B4GALNT3: variants seen among roughly 807,000 people sequenced by gnomAD.
B4GALNT3 encodes the protein beta-1,4-N-acetyl-galactosaminyltransferase 3, also known as beta-1,4-N-acetylgalactosaminyltransferase 3.
B4GALNT3 carries 86 observed loss-of-function variants against 120.2 expected under a neutral mutation model. The observed-to-expected ratio is 0.72, with a 90% CI of 0.60 to 0.86. The LOEUF (loss-of-function observed/expected upper bound fraction) is 0.86. B4GALNT3 is among the 40% of genes least tolerant of loss of function. The probability of loss-of-function intolerance (pLI) is 0.00; values close to 1 mark genes in which losing one functional copy is unlikely to be tolerated. For missense variants in B4GALNT3, 1,167 were observed against 1,298.9 expected, an observed-to-expected ratio of 0.90 and a Z score of 1.56; for synonymous variants, 518 against 510.4, an observed-to-expected ratio of 1.01 and a Z score of -0.20.
At chr12:487,583 C>T (rs1190872611) in intron 1 of B4GALNT3, among the ~76,000 whole-genome samples, 1 of 151,914 alleles carries the variant, frequency 6.6e-6, no homozygotes, top group Non-Finnish European at 1.5e-5. Flanking sequence ...TGTAGTGGCG[C>T]ATGCCTGTAG....
intron 1 of B4GALNT3, among the ~76,000 whole-genome samples, chr12:463,155 G>A (rs1410621864): frequency 6.6e-6 from 1 of 152,196 alleles, no homozygotes; most frequent in Non-Finnish European, 1.5e-5. Context: ...TCATCTGGAA[G>A]GCCAGCCCCC....
chr12:491,678 T>C (rs1946340889), intron 1 of B4GALNT3, among the ~76,000 whole-genome samples: 3 of 152,088 alleles, frequency 2.0e-5, no homozygotes, highest in Non-Finnish European at 4.4e-5. Flanking sequence ...GGGAACTTCC[T>C]CAACTTGATA....
At chr12:485,059 G>GCA (rs1488266914) in intron 1 of B4GALNT3, among the ~76,000 whole-genome samples, 1 of 152,146 alleles carries the variant, frequency 6.6e-6, no homozygotes, top group African/African-American at 2.4e-5. Context: ...GTTCTCCCCA[G>GCA]CACCCAGAAG....
At position 546,689 on chromosome 12, in the gene B4GALNT3, G is replaced by C; in HGVS notation, c.683G>C (p.Arg228Pro). The change falls in exon 7 of 20, where the codon CGG becomes CCG. Residue 228 changes from arginine (R) to proline (P), a missense_variant. Physicochemically the swap from Arg to Pro is moderately radical, Grantham distance 103. Transcript: ENST00000266383. The stretch of plus-strand genomic sequence containing the variant: ...GCCCCGGGAGAGTTTGGGAAATTTC[G>C]GAGCCAAATTTCCAAGCCGGTGAGG... ...WTAPGEFGKF[R>P]SQISKPVSLS... 5 of 1,551,472 alleles carry C rather than the reference G, an allele frequency of 3.2e-6. No individual in the cohort carries two copies. The highest frequency in any genetic ancestry group is 4.4e-6 in the Non-Finnish European group (5 of 1,146,890).
At chr12:542,114 T>A (rs1444421853) in intron 3 of B4GALNT3, among the ~76,000 whole-genome samples, 3 of 152,142 alleles carry the variant, frequency 2.0e-5, no homozygotes, top group Non-Finnish European at 2.9e-5. Context: ...TCCCATCCGT[T>A]CCAGTCTCCC....
chr12:524,835 G>A (rs1268691692), intron 1 of B4GALNT3, among the ~76,000 whole-genome samples: 4 of 152,164 alleles, frequency 2.6e-5, no homozygotes, highest in Non-Finnish European at 5.9e-5. Context: ...TTTATGTCAA[G>A]TGCTTAGCGT....
At chr12:518,745 A>T (rs866886429) in intron 1 of B4GALNT3, among the ~76,000 whole-genome samples, 14 of 152,206 alleles carry the variant, frequency 9.2e-5, no homozygotes, top group Middle Eastern at 3.2e-3. Flanking sequence ...CTAATACTTA[A>T]TACAATGCAA....
chr12:485,277 GA>G (rs1211273109), intron 1 of B4GALNT3, among the ~76,000 whole-genome samples: 1 of 152,200 alleles, frequency 6.6e-6, no homozygotes, highest in African/African-American at 2.4e-5. Context: ...GCACTGAGAA[GA>G]AAGATGTACT....
chr12:522,212 A>T (rs1946717510), intron 1 of B4GALNT3, among the ~76,000 whole-genome samples: 1 of 152,116 alleles, frequency 6.6e-6, no homozygotes, highest in African/African-American at 2.4e-5. Flanking sequence ...ATATTTGCAC[A>T]CTCTTGTTCA....
intron 1 of B4GALNT3, among the ~76,000 whole-genome samples, chr12:494,282 A>G (rs1320270127): frequency 2.6e-5 from 3 of 116,558 alleles, no homozygotes; most frequent in Admixed American, 9.5e-5. Context: ...ACCTTGTATA[A>G]TACCTTGAAA....
intron 1 of B4GALNT3, among the ~76,000 whole-genome samples, chr12:494,293 G>A (rs866152600): frequency 1.1e-3 from 159 of 139,614 alleles, no homozygotes; most frequent in East Asian, 1.7e-3. Flanking sequence ...TACCTTGAAA[G>A]AAAAAAAAAA....
At position 557,757 on chromosome 12, in the gene B4GALNT3, C is replaced by T. The variant is rs151134407; in HGVS notation, c.2530C>T (p.Arg844Trp). 660 of 1,600,384 alleles carry T rather than the reference C, an allele frequency of 4.1e-4. 6 individuals carry two copies. In the East Asian group the frequency reaches 0.011, roughly 27 times the overall value. ...GATGGCACTGAAGAGGTCCAAGCTG[C>T]GGAGGTGAGGGGGACCACCAGCCAG... Reference protein sequence around the residue: ...VEMALKRSKLRSYQYVKLSGN... With the variant: ...VEMALKRSKLWSYQYVKLSGN... Residue 844 changes from arginine (R) to tryptophan (W), a missense_variant, in exon 16 of 20, where the codon CGG becomes TGG. Arg to Trp is a moderately radical substitution (Grantham distance 101, BLOSUM62 -3). Transcript: ENST00000266383.
At chr12:518,618 C>G (rs1302791506) in intron 1 of B4GALNT3, among the ~76,000 whole-genome samples, 1 of 152,010 alleles carries the variant, frequency 6.6e-6, no homozygotes, top group Non-Finnish European at 1.5e-5. Context: ...AGCCTGGTCT[C>G]CAACTCCTGG....
At chr12:513,187 CCTTCCACCTTCCA>C (rs1946616203) in intron 1 of B4GALNT3, among the ~76,000 whole-genome samples, 1 of 106,800 alleles carries the variant, frequency 9.4e-6, no homozygotes, top group Non-Finnish European at 2.2e-5. Flanking sequence ...CCTTCTTCCA[CCTTCCACCTTCCA>C]CCTTCCACCT....
At position 554,590 on chromosome 12, in the gene B4GALNT3, A is replaced by G. The variant is rs1322441630; in HGVS notation, c.2060+607A>G. 5.9e-5 allele frequency among the ~76,000 whole-genome samples: 9 copies of G among 151,780 alleles called. No individual in the cohort carries two copies. In the East Asian group the frequency reaches 1.7e-3, roughly 29 times the overall value. On this transcript the variant is annotated intron_variant, in intron 14 of 19. Transcript: ENST00000266383. ...CGGATCACGAGGTCAGGAGATCGAG[A>G]CCATCCTGGCTAACACGGTGAAACC...
chr12:558,918 A>T (rs1397740841), intron 18 of B4GALNT3, among the ~76,000 whole-genome samples: 8 of 151,678 alleles, frequency 5.3e-5, no homozygotes, highest in African/African-American at 1.9e-4. Flanking sequence ...ACACTTACTA[A>T]GCACTGCTGT....
At chr12:477,472 T>A (rs537778535) in intron 1 of B4GALNT3, among the ~76,000 whole-genome samples, 143 of 152,354 alleles carry the variant, frequency 9.4e-4, no homozygotes, top group African/African-American at 3.4e-3. Context: ...AAAGAAGTTA[T>A]TGTTGATGTT....
At chr12:540,812 C>G (rs914045780) in intron 3 of B4GALNT3, among the ~76,000 whole-genome samples, 1 of 151,998 alleles carries the variant, frequency 6.6e-6, no homozygotes, top group Non-Finnish European at 1.5e-5. Context: ...GGTCGGATCT[C>G]GGCTCACTGC....
intron 1 of B4GALNT3, among the ~76,000 whole-genome samples, chr12:515,262 T>C (rs1946640981): frequency 1.3e-5 from 2 of 152,048 alleles, no homozygotes; most frequent in African/African-American, 4.8e-5. Context: ...CTTGGCTTAC[T>C]GCAACCTCCA....
Sources: gnomAD v4.1 joint callset for allele counts (sites outside exome capture counted in the v4.1 genomes callset) on GRCh38, gnomAD v4.1.1 for gene constraint, MANE v1.5 for transcripts, NCBI Gene and HGNC (gene_info 2026-07-23, HGNC 2026-07-21) for gene names.